The following TSPAN5 variants were observed in gnomAD, a reference collection of about 807,000 sequenced individuals.
TSPAN5 encodes the protein tetraspanin 5.
TSPAN5 carries 10 observed loss-of-function variants against 37.1 expected under a neutral mutation model. The observed-to-expected ratio is 0.27, with a 90% CI of 0.17 to 0.46. The LOEUF is 0.46. TSPAN5 is among the 20% of genes least tolerant of loss of function. TSPAN5 has a pLI of 1.00. For synonymous variants in TSPAN5, 110 were observed against 118.9 expected (o/e 0.93, Z 0.48); for missense variants, 195 against 326.6 (o/e 0.60, Z 3.11).
At chr4:98,554,949 A>G (rs1754705755) in intron 1 of TSPAN5, among the ~76,000 whole-genome samples, 1 of 152,238 alleles carries the variant, frequency 6.6e-6, no homozygotes, top group African/African-American at 2.4e-5. Context: ...CATGAGTATA[A>G]AAATCCCACA....
At chr4:98,526,697 A>G (rs1024583220) in intron 1 of TSPAN5, among the ~76,000 whole-genome samples, 29 of 148,406 alleles carry the variant, frequency 2.0e-4, no homozygotes, top group African/African-American at 7.1e-4. Context: ...ATGAGGGGGT[A>G]CAGGTCTCAA....
At chr4:98,644,298 T>C (rs1286844969) in intron 1 of TSPAN5, among the ~76,000 whole-genome samples, 2 of 152,134 alleles carry the variant, frequency 1.3e-5, no homozygotes, top group African/African-American at 2.4e-5. Flanking sequence ...TTAACTAAGG[T>C]TTGCTAAATT....
chr4:98,531,906 GTTGT>G (rs1380649542), intron 1 of TSPAN5, among the ~76,000 whole-genome samples: 1 of 152,042 alleles, frequency 6.6e-6, no homozygotes, highest in Non-Finnish European at 1.5e-5. Context: ...TTTTGATGGG[GTTGT>G]TTTTTTCTTG....
intron 1 of TSPAN5, 50 bp downstream of exon 1, chr4:98,658,096 G>A: frequency 6.6e-7 from 1 of 1,516,024 alleles, no homozygotes; most frequent in Non-Finnish European, 9.2e-7. Flanking sequence ...GGAAATCGTC[G>A]CGAATCGATC....
intron 2 of TSPAN5, among the ~76,000 whole-genome samples, chr4:98,490,098 T>C (rs1435526452): frequency 6.6e-6 from 1 of 152,338 alleles, no homozygotes. Context: ...GACCGTTCTA[T>C]GATTTCATCC....
At chr4:98,654,792 A>G (rs1334943570) in intron 1 of TSPAN5, among the ~76,000 whole-genome samples, 1 of 152,228 alleles carries the variant, frequency 6.6e-6, no homozygotes, top group Non-Finnish European at 1.5e-5. Flanking sequence ...AAGCACGGAC[A>G]CTATACCAGG....
At chr4:98,590,069 C>T (rs879082815) in intron 1 of TSPAN5, among the ~76,000 whole-genome samples, 2 of 152,130 alleles carry the variant, frequency 1.3e-5, no homozygotes, top group Admixed American at 1.3e-4. Flanking sequence ...CAAAGACATG[C>T]TGCAAAGGTA....
intron 2 of TSPAN5, among the ~76,000 whole-genome samples, chr4:98,488,875 A>T (rs947442872): frequency 6.6e-6 from 1 of 152,166 alleles, no homozygotes; most frequent in Non-Finnish European, 1.5e-5. Flanking sequence ...CAGTATAGCG[A>T]GACCCTTTCT....
chr4:98,606,440 T>G lies in TSPAN5; in HGVS notation c.81+51706A>C, dbSNP rs2110227437. On this transcript the variant is annotated intron_variant, in intron 1 of 7. Transcript: ENST00000305798. ...AGGTTACGGAAACATCTTTCCACAC[T>G]ACATGCTATTTCTGGATAAAACTAT... 2.6e-5 allele frequency among the ~76,000 whole-genome samples: 4 copies of G among 152,352 alleles called. No individual in the cohort carries two copies. The Middle Eastern group carries it at 0.014, about 518-fold the overall frequency.
intron 1 of TSPAN5, among the ~76,000 whole-genome samples, chr4:98,547,006 G>C (rs1414666282): frequency 6.6e-6 from 1 of 152,216 alleles, no homozygotes; most frequent in African/African-American, 2.4e-5. Flanking sequence ...CAGCTCCCCA[G>C]GCACACGGCT....
intron 5 of TSPAN5, among the ~76,000 whole-genome samples, chr4:98,477,662 C>CTTTT (rs61539900): frequency 1.4e-5 from 2 of 141,266 alleles, no homozygotes; most frequent in Admixed American, 7.1e-5. Context: ...AGAGAGTTAC[C>CTTTT]TTTTTTTTTT....
chr4:98,523,056 G>A (rs1753888951), intron 1 of TSPAN5, among the ~76,000 whole-genome samples: 2 of 152,120 alleles, frequency 1.3e-5, no homozygotes, highest in South Asian at 4.1e-4. Flanking sequence ...TCTTTTATAT[G>A]TTCTTTTATA....
At chr4:98,515,531 C>A (rs1379008242) in intron 1 of TSPAN5, among the ~76,000 whole-genome samples, 1 of 152,120 alleles carries the variant, frequency 6.6e-6, no homozygotes, top group Admixed American at 6.5e-5. Flanking sequence ...CTCTCTCTCT[C>A]TCTCCCTCTC....
At chr4:98,575,360 G>A (rs1020800749) in intron 1 of TSPAN5, among the ~76,000 whole-genome samples, 1 of 149,854 alleles carries the variant, frequency 6.7e-6, no homozygotes, top group Admixed American at 6.6e-5. Flanking sequence ...AGGCTGGCGG[G>A]CTCTTTTTTT....
At chr4:98,611,886 G>T (rs907077867) in intron 1 of TSPAN5, among the ~76,000 whole-genome samples, 1 of 152,250 alleles carries the variant, frequency 6.6e-6, no homozygotes, top group African/African-American at 2.4e-5. Flanking sequence ...CTGGGCCGTG[G>T]AGGGTGGCGA....
At chr4:98,580,817 G>A (rs1472201088) in intron 1 of TSPAN5, among the ~76,000 whole-genome samples, 2 of 152,108 alleles carry the variant, frequency 1.3e-5, no homozygotes, top group African/African-American at 4.8e-5. Flanking sequence ...ACAGGAAGAA[G>A]ACAGTTTCCT....
intron 1 of TSPAN5, among the ~76,000 whole-genome samples, chr4:98,579,142 G>T (rs1463390135): frequency 6.6e-6 from 1 of 152,096 alleles, no homozygotes; most frequent in African/African-American, 2.4e-5. Flanking sequence ...TCCAGAAAGG[G>T]CATAGTCAAC....
chr4:98,523,471 G>C (rs1454796020), intron 1 of TSPAN5, among the ~76,000 whole-genome samples: 3 of 152,180 alleles, frequency 2.0e-5, no homozygotes, highest in Non-Finnish European at 2.9e-5. Context: ...GTCTCCGTCT[G>C]TTGCCCAGGC....
At chr4:98,514,715 T>C (rs1451260963) in intron 1 of TSPAN5, among the ~76,000 whole-genome samples, 1 of 152,302 alleles carries the variant, frequency 6.6e-6, no homozygotes, top group South Asian at 2.1e-4. Context: ...CGTAGTTTCA[T>C]GATCTTGGGA....
Sources: gnomAD v4.1 joint callset for allele counts (sites outside exome capture counted in the v4.1 genomes callset) on GRCh38, gnomAD v4.1.1 for gene constraint, MANE v1.5 for transcripts, NCBI Gene and HGNC (gene_info 2026-07-23, HGNC 2026-07-21) for gene names.